Variants in DLGAP1 observed in about 807,000 individuals in gnomAD.
The protein encoded by DLGAP1 is disks large-associated protein 1.
DLGAP1 carries 11 observed loss-of-function variants against 90.8 expected under a neutral mutation model. The observed-to-expected ratio is 0.12, with a 90% confidence interval of 0.08 to 0.20. The LOEUF (loss-of-function observed/expected upper bound fraction) is 0.20. DLGAP1 is among the 10% of genes least tolerant of loss of function. The pLI is 1.00. For synonymous variants in DLGAP1, 558 were observed against 540.7 expected (o/e 1.03, Z -0.44); for missense variants, 1,050 against 1,333.8 (o/e 0.79, Z 3.31).
At chr18:3,506,087 A>C (rs1369902376) in intron 11 of DLGAP1, among the ~76,000 whole-genome samples, 1 of 151,612 alleles carries the variant, frequency 6.6e-6, no homozygotes, top group Admixed American at 6.6e-5. Flanking sequence ...AAATACAAAA[A>C]ATTAGCTGGG....
At chr18:3,804,774 A>T (rs905879071) in intron 5 of DLGAP1, among the ~76,000 whole-genome samples, 3 of 152,264 alleles carry the variant, frequency 2.0e-5, no homozygotes, top group Non-Finnish European at 4.4e-5. Flanking sequence ...TTTGTTCAAC[A>T]TCCCCTCTGG....
At chr18:4,130,558 T>TTACA (rs1397751086) in intron 2 of DLGAP1, among the ~76,000 whole-genome samples, 1 of 152,176 alleles carries the variant, frequency 6.6e-6, no homozygotes, top group Non-Finnish European at 1.5e-5. Flanking sequence ...TCTAAATGCT[T>TTACA]TACAATATTA....
At chr18:4,367,191 T>C (rs887444836) in intron 1 of DLGAP1, among the ~76,000 whole-genome samples, 10 of 113,120 alleles carry the variant, frequency 8.8e-5, no homozygotes, top group African/African-American at 3.5e-4. Context: ...GTATGTAATA[T>C]AGTTATTCAA....
chr18:3,604,942 A>T (rs1285282239), intron 7 of DLGAP1, among the ~76,000 whole-genome samples: 1 of 152,232 alleles, frequency 6.6e-6, no homozygotes, highest in Non-Finnish European at 1.5e-5. Flanking sequence ...ACTGGGCAAC[A>T]GGGAAAATGC....
chr18:4,290,038 G>A (rs963849353), intron 1 of DLGAP1, among the ~76,000 whole-genome samples: 1 of 152,146 alleles, frequency 6.6e-6, no homozygotes, highest in African/African-American at 2.4e-5. Flanking sequence ...AATGGCAGAA[G>A]TTATTTTATA....
chr18:4,075,961 A>C (rs2075516860), intron 2 of DLGAP1, among the ~76,000 whole-genome samples: 1 of 152,136 alleles, frequency 6.6e-6, no homozygotes, highest in East Asian at 1.9e-4. Context: ...GATCCGCTAT[A>C]GCTCTAGGGC....
At chr18:4,004,817 T>A (rs1480297911) in intron 3 of DLGAP1, among the ~76,000 whole-genome samples, 3 of 152,182 alleles carry the variant, frequency 2.0e-5, no homozygotes, top group Non-Finnish European at 4.4e-5. Context: ...AATTATTGTG[T>A]GCATTGACAT....
At chr18:4,003,001 A>C (rs1427300148) in intron 3 of DLGAP1, among the ~76,000 whole-genome samples, 3 of 152,172 alleles carry the variant, frequency 2.0e-5, no homozygotes, top group Non-Finnish European at 2.9e-5. Context: ...GTCCATCTGA[A>C]GTGCTCCTGT....
chr18:3,607,587 A>G (rs1216418368), intron 7 of DLGAP1: 1 of 152,260 alleles, frequency 6.6e-6, no homozygotes, highest in Non-Finnish European at 1.5e-5. Context: ...CAAGGCAGCC[A>G]AATATTGGCC....
chr18:4,061,560 C>G (rs1598329613), intron 2 of DLGAP1, among the ~76,000 whole-genome samples: 1 of 152,098 alleles, frequency 6.6e-6, no homozygotes, highest in East Asian at 1.9e-4. Flanking sequence ...TATGGTCAAA[C>G]TGACTAAGAT....
chr18:4,385,588 C>G (rs7243401), intron 1 of DLGAP1, among the ~76,000 whole-genome samples: 1 of 152,006 alleles, frequency 6.6e-6, no homozygotes, highest in African/African-American at 2.4e-5. Context: ...ATAAAACAAG[C>G]GCCATGGGAA....
At chr18:3,908,346 G>C (rs73940276) in intron 3 of DLGAP1, among the ~76,000 whole-genome samples, 1,614 of 152,280 alleles carry the variant, frequency 0.011, 28 homozygotes, top group African/African-American at 0.036. Flanking sequence ...AGGATTAAAA[G>C]TATGCACTCA....
chr18:3,675,422 G>A (rs1012905647), intron 7 of DLGAP1, among the ~76,000 whole-genome samples: 1 of 152,122 alleles, frequency 6.6e-6, no homozygotes, highest in Admixed American at 6.5e-5. Flanking sequence ...TCTACAACAC[G>A]ATTAAATATG....
chr18:4,344,340 C>G (rs899573378), intron 1 of DLGAP1, among the ~76,000 whole-genome samples: 5 of 151,960 alleles, frequency 3.3e-5, no homozygotes, highest in Non-Finnish European at 7.4e-5. Flanking sequence ...TATCGCGATG[C>G]TAGAAAGTGG....
chr18:3,600,837 GATATATATAGATATATAGAT>G (rs2056914393), intron 7 of DLGAP1, among the ~76,000 whole-genome samples: 1 of 58,754 alleles, frequency 1.7e-5, no homozygotes, highest in African/African-American at 1.0e-4. Context: ...GATATATATA[GATATATATAGATATATAGAT>G]ATATATAGAT....
chr18:4,087,040 TACACAAACAC>T (rs2075692687), intron 2 of DLGAP1, among the ~76,000 whole-genome samples: 1 of 103,524 alleles, frequency 9.7e-6, no homozygotes, highest in Non-Finnish European at 2.3e-5. Context: ...TATATATATA[TACACAAACAC>T]ATATATATAT....
At chr18:3,679,941 C>A (rs930492120) in intron 7 of DLGAP1, 1 of 151,698 alleles carries the variant, frequency 6.6e-6, no homozygotes, top group Admixed American at 6.6e-5. Flanking sequence ...CCACTTCAGC[C>A]TCCCAAAGTG....
At chr18:4,056,168 G>A (rs1375337607) in intron 2 of DLGAP1, among the ~76,000 whole-genome samples, 1 of 152,150 alleles carries the variant, frequency 6.6e-6, no homozygotes. Context: ...AGGCCGTGGA[G>A]CCTTCAGACC....
intron 9 of DLGAP1, among the ~76,000 whole-genome samples, chr18:3,538,930 A>C (rs545766659): frequency 2.0e-5 from 3 of 152,356 alleles, no homozygotes; most frequent in Admixed American, 6.5e-5. Context: ...TAGAAAAATT[A>C]CTTGGCAGTA....
Sources: allele counts gnomAD v4.1 joint callset (sites outside exome capture counted in the v4.1 genomes callset), GRCh38; gene constraint gnomAD v4.1.1; transcripts MANE v1.5; gene names NCBI Gene and HGNC (gene_info 2026-07-23, HGNC 2026-07-21).